Variants in SOAT1 observed in about 807,000 individuals in gnomAD.
SOAT1 encodes the protein acyl-coenzyme A:cholesterol acyltransferase 1.
SOAT1 carries 55 observed loss-of-function variants against 69.5 expected under a neutral mutation model. The observed-to-expected ratio is 0.79, with a 90% CI of 0.64 to 0.99. The LOEUF is 0.99. Among genes scored for constraint, SOAT1 ranks in the 50% least tolerant of loss-of-function variants. SOAT1 has a pLI of 0.00. For missense variants in SOAT1, 580 were observed against 669.3 expected (o/e 0.87, Z 1.47); for synonymous variants, 231 against 224.7 (o/e 1.03, Z -0.25).
intron 2 of SOAT1, among the ~76,000 whole-genome samples, chr1:179,322,119 A>G (rs1665626051): frequency 6.6e-6 from 1 of 152,056 alleles, no homozygotes; most frequent in Non-Finnish European, 1.5e-5. Flanking sequence ...TCCTGGCAAC[A>G]AATAATCCTC....
At chr1:179,329,475 C>G (rs545625662) in intron 3 of SOAT1, among the ~76,000 whole-genome samples, 3 of 152,254 alleles carry the variant, frequency 2.0e-5, no homozygotes, top group Admixed American at 2.0e-4. Flanking sequence ...CCTGTAATCC[C>G]AGCACTTTGA....
intron 7 of SOAT1, 86 bp from the exon 8 acceptor site, chr1:179,342,028 G>C (rs1666355488): frequency 6.5e-7 from 1 of 1,528,488 alleles, no homozygotes; most frequent in South Asian, 1.3e-5. Flanking sequence ...GACTTTACTG[G>C]CTATCTATAA....
intron 15 of SOAT1, among the ~76,000 whole-genome samples, chr1:179,353,324 G>T (rs1191402903): frequency 7.0e-6 from 1 of 143,532 alleles, no homozygotes; most frequent in African/African-American, 2.6e-5. Flanking sequence ...TTTAGAAACT[G>T]GTCAAAGTCC....
chr1:179,336,530 G>C lies in SOAT1; in HGVS notation c.329+873G>C, dbSNP rs1666164166. 1.3e-5 allele frequency among the ~76,000 whole-genome samples: 2 copies of C among 150,356 alleles called. 1 individual carries two copies. Among genetic ancestry groups the C allele is most frequent in the Non-Finnish European group, 3.0e-5 (2 of 67,788 alleles). ...TAAAACAACATAGCCAACACTTGCT[G>C]AGTGCTCTACATGATGAATTCATTT... is the stretch of plus-strand genomic sequence containing the variant. On this transcript the variant is annotated intron_variant, in intron 4 of 15. Transcript: ENST00000367619.
chr1:179,335,754 G>C, intron 4 of SOAT1, 97 bp downstream of exon 4: 1 of 1,196,236 alleles, frequency 8.4e-7, no homozygotes, highest in Non-Finnish European at 1.2e-6. Context: ...TCACACCCTG[G>C]TGTCACTTTC....
intron 2 of SOAT1, among the ~76,000 whole-genome samples, chr1:179,317,348 A>C (rs1297631662): frequency 6.6e-6 from 1 of 152,104 alleles, no homozygotes; most frequent in Non-Finnish European, 1.5e-5. Flanking sequence ...CCTGGCTAAC[A>C]CAGTGAAACC....
intron 2 of SOAT1, among the ~76,000 whole-genome samples, chr1:179,317,490 G>A (rs545230783): frequency 7.2e-6 from 1 of 139,810 alleles, no homozygotes; most frequent in African/African-American, 2.7e-5. Context: ...CCGAGATCGC[G>A]CCACTACCCT....
At chr1:179,301,489 G>A (rs1391664609) in intron 1 of SOAT1, among the ~76,000 whole-genome samples, 5 of 152,070 alleles carry the variant, frequency 3.3e-5, no homozygotes, top group South Asian at 2.1e-4. Flanking sequence ...GGGCTCTGTC[G>A]TTAGCTGTGT....
At chr1:179,302,077 T>C (rs1414307057) in intron 1 of SOAT1, among the ~76,000 whole-genome samples, 1 of 151,886 alleles carries the variant, frequency 6.6e-6, no homozygotes, top group Non-Finnish European at 1.5e-5. Flanking sequence ...AATTGTTCTT[T>C]AAGAGTGGGG....
chr1:179,347,474 G>A, intron 11 of SOAT1, 126 bp from the exon 12 acceptor site: 3 of 600,368 alleles, frequency 5.0e-6, no homozygotes, highest in Non-Finnish European at 8.9e-6. Flanking sequence ...TCTGGAATGG[G>A]TAAACTGGAA....
intron 2 of SOAT1, among the ~76,000 whole-genome samples, chr1:179,316,885 G>A (rs1665414424): frequency 6.6e-6 from 1 of 152,104 alleles, no homozygotes; most frequent in Non-Finnish European, 1.5e-5. Flanking sequence ...GAAAAGAAAT[G>A]TCCAATAGAA....
At chr1:179,330,575 G>A (rs1408181024) in intron 3 of SOAT1, among the ~76,000 whole-genome samples, 4 of 152,166 alleles carry the variant, frequency 2.6e-5, no homozygotes, top group African/African-American at 9.7e-5. Context: ...CAATTTTGGG[G>A]AGGGACTATT....
intron 14 of SOAT1, among the ~76,000 whole-genome samples, chr1:179,351,021 C>CTT (rs201449849): frequency 1.0e-4 from 13 of 127,558 alleles, no homozygotes; most frequent in Non-Finnish European, 1.2e-4. Context: ...ATATTTCTTT[C>CTT]TTTTTTTTTT....
intron 3 of SOAT1, among the ~76,000 whole-genome samples, chr1:179,328,782 A>G (rs2124973544): frequency 6.6e-6 from 1 of 152,246 alleles, no homozygotes; most frequent in Admixed American, 6.5e-5. Flanking sequence ...ATTGGCTCAT[A>G]CCTGTAATCG....
At chr1:179,321,244 T>G (rs979940496) in intron 2 of SOAT1, among the ~76,000 whole-genome samples, 2 of 152,140 alleles carry the variant, frequency 1.3e-5, no homozygotes, top group African/African-American at 4.8e-5. Context: ...TGTCATCCTT[T>G]GCAATCATTT....
intron 2 of SOAT1, among the ~76,000 whole-genome samples, chr1:179,318,802 G>A (rs1665488258): frequency 6.6e-6 from 1 of 151,966 alleles, no homozygotes; most frequent in African/African-American, 2.4e-5. Flanking sequence ...ATTTCTTTTG[G>A]TTTATTGTTA....
intron 2 of SOAT1, among the ~76,000 whole-genome samples, chr1:179,321,595 C>T (rs541025390): frequency 8.5e-5 from 13 of 152,296 alleles, no homozygotes; most frequent in South Asian, 6.2e-4. Flanking sequence ...CCATCTCTAG[C>T]GCAGCTGTGG....
chr1:179,300,780 C>G (rs972436476), intron 1 of SOAT1, among the ~76,000 whole-genome samples: 7 of 152,158 alleles, frequency 4.6e-5, no homozygotes, highest in Non-Finnish European at 1.0e-4. Context: ...CATAGTGAAA[C>G]ACTGCTTTAC....
chr1:179,349,567 T>C (rs1482764924), intron 13 of SOAT1, among the ~76,000 whole-genome samples: 1 of 152,152 alleles, frequency 6.6e-6, no homozygotes, highest in Non-Finnish European at 1.5e-5. Context: ...CCTTAGGTGA[T>C]CCGCCCGCCT....
Sources: allele counts gnomAD v4.1 joint callset (sites outside exome capture counted in the v4.1 genomes callset), GRCh38; gene constraint gnomAD v4.1.1; transcripts MANE v1.5; gene names NCBI Gene and HGNC (gene_info 2026-07-23, HGNC 2026-07-21).